The following ARHGAP17 variants were observed in gnomAD, a reference collection of about 807,000 sequenced individuals.
ARHGAP17 encodes rho GTPase-activating protein 17.
Under a neutral mutation model 99.5 loss-of-function variants are expected in ARHGAP17, and 57 were observed. That is an observed-to-expected ratio of 0.57 (90% CI 0.46 to 0.71). The LOEUF (loss-of-function observed/expected upper bound fraction) is 0.71, where lower values mean the gene tolerates loss of function less well. Ranked by LOEUF, ARHGAP17 falls within the 30% of genes least tolerant of loss-of-function variation. The probability of loss-of-function intolerance (pLI) is 0.00; values close to 1 mark genes in which losing one functional copy is unlikely to be tolerated. For synonymous variants in ARHGAP17, 417 were observed against 429.6 expected (o/e 0.97, Z 0.36); for missense variants, 1,000 against 1,122.4 (o/e 0.89, Z 1.56).
chr16:24,923,610 C>T (rs1309638209), intron 19 of ARHGAP17, among the ~76,000 whole-genome samples: 1 of 151,800 alleles, frequency 6.6e-6, no homozygotes, highest in African/African-American at 2.4e-5. Context: ...TCTAGTTCCA[C>T]CTTCCAGCTA....
chr16:24,961,911 T>TTATATATATATATATATATATA lies in ARHGAP17; in HGVS notation c.574-1933_574-1932insTATATATATATATATATATATA, dbSNP rs67952203. On this transcript the variant is annotated intron_variant, in intron 7 of 19. Coordinates refer to ENST00000289968, the MANE Select transcript of ARHGAP17 (RefSeq NM_001006634.3). The stretch of plus-strand genomic sequence containing the variant: ...TCAAATATAAATATACATAGGAATT[T>TTATATATATATATATATATATA]TATATATATATATATATATGAAAAC... Among the ~76,000 whole-genome samples the TTATATATATATATATATATATA allele has an allele frequency of 1.0e-3, 136 of 129,982 alleles. 1 individual carries two copies. Among genetic ancestry groups the TTATATATATATATATATATATA allele is most frequent in the African/African-American group, 3.6e-3 (113 of 31,322 alleles). 85.3% of individuals were successfully genotyped at this position (129,982 alleles called of 152,430 possible). A position where few individuals can be genotyped will look rare whatever the true frequency, so the allele number is the denominator to read the frequency against.
intron 12 of ARHGAP17, among the ~76,000 whole-genome samples, chr16:24,951,692 T>G (rs1429222453): frequency 6.6e-6 from 1 of 152,218 alleles, no homozygotes; most frequent in Non-Finnish European, 1.5e-5. Flanking sequence ...CCTTACAATT[T>G]TCTTAATAGT....
intron 1 of ARHGAP17, among the ~76,000 whole-genome samples, chr16:24,997,088 T>A (rs902253478): frequency 6.6e-5 from 10 of 152,280 alleles, no homozygotes; most frequent in Middle Eastern, 6.8e-3. Context: ...TAGCGCAAGG[T>A]GCCCAGTACA....
At chr16:24,962,427 G>A (rs1423788115) in intron 7 of ARHGAP17, among the ~76,000 whole-genome samples, 1 of 152,176 alleles carries the variant, frequency 6.6e-6, no homozygotes, top group Non-Finnish European at 1.5e-5. Flanking sequence ...TGTCTGTTTT[G>A]GAATGGGCTT....
intron 1 of ARHGAP17, among the ~76,000 whole-genome samples, chr16:25,005,100 G>A (rs551056920): frequency 1.2e-4 from 19 of 152,208 alleles, no homozygotes; most frequent in Non-Finnish European, 2.5e-4. Context: ...ATTTTTAGTA[G>A]AGATGGGGTT....
chr16:24,990,154 TA>T (rs1169459705), intron 1 of ARHGAP17, among the ~76,000 whole-genome samples: 2 of 152,084 alleles, frequency 1.3e-5, no homozygotes, highest in Admixed American at 6.6e-5. Context: ...CAACTAAAGA[TA>T]AAAGGGGAAA....
At chr16:24,938,583 G>A (rs1288588100) in intron 17 of ARHGAP17, among the ~76,000 whole-genome samples, 1 of 151,890 alleles carries the variant, frequency 6.6e-6, no homozygotes, top group Non-Finnish European at 1.5e-5. Context: ...GGGCAACCTA[G>A]GGCATCTATG....
chr16:24,950,989 C>T (rs1025863504), intron 12 of ARHGAP17, among the ~76,000 whole-genome samples: 8 of 152,074 alleles, frequency 5.3e-5, no homozygotes, highest in Middle Eastern at 3.2e-3. Context: ...GGGCAGTGTC[C>T]GTAGACGGGG....
At chr16:25,008,454 T>C (rs1301370504) in intron 1 of ARHGAP17, among the ~76,000 whole-genome samples, 2 of 152,232 alleles carry the variant, frequency 1.3e-5, no homozygotes, top group East Asian at 1.9e-4. Context: ...GATAAGGGAC[T>C]GTGGGCCTAT....
chr16:24,935,495 C>T lies in ARHGAP17; in HGVS notation c.1869G>A (p.Gly623=). 6.2e-7 allele frequency: 1 copy of T among 1,608,834 alleles called. No homozygotes were observed. Among genetic ancestry groups the T allele is most frequent in the Non-Finnish European group, 8.5e-7 (1 of 1,177,710 alleles). ...CTCGGCGCAGTGTATGCGGGCTGGG[C>T]CCTGCAGCATTGTGAGGTTGGCCCA... is the stretch of plus-strand genomic sequence containing the variant. ...LSMGQPHNAA[G]PSPHTLRRAV... is the part of the protein sequence containing the mutation. Residue 623 remains glycine (G), a synonymous_variant, in exon 18 of 20, where the codon GGG becomes GGA. Coordinates refer to ENST00000289968, the MANE Select transcript of ARHGAP17 (RefSeq NM_001006634.3).
intron 7 of ARHGAP17, 21 bp from the exon 8 acceptor site, chr16:24,960,000 A>C (rs1196883543): frequency 6.2e-7 from 1 of 1,610,920 alleles, no homozygotes; most frequent in East Asian, 2.2e-5. Flanking sequence ...GGAAGATAAG[A>C]GGTTATTGAA....
intron 1 of ARHGAP17, among the ~76,000 whole-genome samples, chr16:24,980,906 C>T (rs543407698): frequency 6.6e-6 from 1 of 152,210 alleles, no homozygotes; most frequent in Non-Finnish European, 1.5e-5. Flanking sequence ...TACGAGTATA[C>T]ACAGAGAAGT....
chr16:24,934,404 C>G (rs910592654), intron 18 of ARHGAP17, among the ~76,000 whole-genome samples: 5 of 152,182 alleles, frequency 3.3e-5, no homozygotes, highest in Non-Finnish European at 7.3e-5. Flanking sequence ...GATCCACCCA[C>G]CCCGGCCTCC....
intron 1 of ARHGAP17, among the ~76,000 whole-genome samples, chr16:24,993,875 C>A (rs1288247040): frequency 6.6e-6 from 1 of 152,208 alleles, no homozygotes; most frequent in East Asian, 1.9e-4. Context: ...TTTGCATCAA[C>A]ATTCTCACAG....
At chr16:24,928,470 C>A (rs2050897244) in intron 19 of ARHGAP17, among the ~76,000 whole-genome samples, 1 of 152,102 alleles carries the variant, frequency 6.6e-6, no homozygotes, top group Admixed American at 6.5e-5. Context: ...AATAAATACA[C>A]CCCGGGTAAC....
At chr16:24,926,280 A>G (rs183544750) in intron 19 of ARHGAP17, among the ~76,000 whole-genome samples, 145 of 152,042 alleles carry the variant, frequency 9.5e-4, no homozygotes, top group African/African-American at 3.4e-3. Context: ...TATTTATTTG[A>G]GACAGAGTCT....
chr16:24,974,362 G>A (rs371807405), intron 3 of ARHGAP17, among the ~76,000 whole-genome samples: 1 of 152,150 alleles, frequency 6.6e-6, no homozygotes. Context: ...ACCGGGTGGT[G>A]GAGGATGCAG....
At chr16:24,941,056 G>A (rs189218383) in intron 16 of ARHGAP17, among the ~76,000 whole-genome samples, 3 of 152,180 alleles carry the variant, frequency 2.0e-5, no homozygotes, top group African/African-American at 4.8e-5. Flanking sequence ...GGTTCAGAGA[G>A]GTAATACGTC....
At chr16:24,950,836 C>CAAAAAAAAAAAAAAAAAAAAAAAAAAAAA (rs1177614713) in intron 12 of ARHGAP17, among the ~76,000 whole-genome samples, 2 of 39,444 alleles carry the variant, frequency 5.1e-5, no homozygotes, top group African/African-American at 2.1e-4. Context: ...GACTCCAACT[C>CAAAAAAAAAAAAAAAAAAAAAAAAAAAAA]AAAAAAAAAA....
Sources: gnomAD v4.1 joint callset for allele counts (sites outside exome capture counted in the v4.1 genomes callset) on GRCh38, gnomAD v4.1.1 for gene constraint, MANE v1.5 for transcripts, NCBI Gene and HGNC (gene_info 2026-07-23, HGNC 2026-07-21) for gene names.